POFUT3: variants seen among roughly 807,000 people sequenced by gnomAD.
POFUT3 encodes GDP-fucose protein O-fucosyltransferase 3.
At chr8:33,428,805 G>A in the POFUT3 span, among the ~76,000 whole-genome samples, 2 of 152,274 alleles carry the variant, frequency 1.3e-5, no homozygotes, top group Non-Finnish European at 2.9e-5. Flanking sequence ...ACCACGGGAT[G>A]ACATAGCAAG....
the POFUT3 span, among the ~76,000 whole-genome samples, chr8:33,437,260 ATCACT>A: frequency 6.6e-6 from 1 of 151,958 alleles, no homozygotes; most frequent in Admixed American, 6.6e-5. Context: ...CCTTTCCAAC[ATCACT>A]TCCCTTCCCC....
chr8:33,317,218 A>C, the POFUT3 span, among the ~76,000 whole-genome samples: 8 of 152,144 alleles, frequency 5.3e-5, no homozygotes, highest in African/African-American at 1.9e-4. Context: ...AGATAACAAC[A>C]TATGTCCTTG....
chr8:33,419,633 T>C, the POFUT3 span, among the ~76,000 whole-genome samples: 1 of 152,156 alleles, frequency 6.6e-6, no homozygotes, highest in African/African-American at 2.4e-5. Context: ...CCTGACTTGA[T>C]CATTATACAT....
chr8:33,469,769 T>C, the POFUT3 span, among the ~76,000 whole-genome samples: 3 of 151,182 alleles, frequency 2.0e-5, no homozygotes, highest in Non-Finnish European at 4.4e-5. Context: ...ACTGATACAA[T>C]GCCTCAATTA....
chr8:33,388,852 A>T, the POFUT3 span: 1 of 849,284 alleles, frequency 1.2e-6, no homozygotes, highest in Admixed American at 2.0e-5. Context: ...GGTCTTTCTG[A>T]TAGGAATGAA....
At chr8:33,374,608 G>A in the POFUT3 span, among the ~76,000 whole-genome samples, 2 of 152,078 alleles carry the variant, frequency 1.3e-5, no homozygotes, top group Non-Finnish European at 2.9e-5. Context: ...GCAGTAATGT[G>A]CCAATATGAA....
At chr8:33,317,306 C>T in the POFUT3 span, among the ~76,000 whole-genome samples, 1,187 of 152,148 alleles carry the variant, frequency 7.8e-3, 4 homozygotes, top group Non-Finnish European at 0.012. Flanking sequence ...TAAGGGGGAA[C>T]CGAGGACTGA....
chr8:33,459,217 G>C, the POFUT3 span, among the ~76,000 whole-genome samples: 5 of 152,006 alleles, frequency 3.3e-5, no homozygotes, highest in African/African-American at 1.2e-4. Context: ...GCAGGCACCT[G>C]TAATCCCAGC....
chr8:33,451,679 T>C, the POFUT3 span: 1 of 152,074 alleles, frequency 6.6e-6, no homozygotes, highest in South Asian at 2.1e-4. Flanking sequence ...TATATTGTAT[T>C]AGTCCATTCT....
At chr8:33,462,566 C>T in the POFUT3 span, among the ~76,000 whole-genome samples, 1 of 152,124 alleles carries the variant, frequency 6.6e-6, no homozygotes, top group African/African-American at 2.4e-5. Context: ...CAATATTATT[C>T]TTTGGAAGTT....
At chr8:33,436,009 C>G in the POFUT3 span, among the ~76,000 whole-genome samples, 1 of 152,058 alleles carries the variant, frequency 6.6e-6, no homozygotes, top group Non-Finnish European at 1.5e-5. Flanking sequence ...GGAGACAGCA[C>G]AGCCCCCACC....
chr8:33,364,552 C>T, the POFUT3 span, among the ~76,000 whole-genome samples: 1 of 152,156 alleles, frequency 6.6e-6, no homozygotes, highest in Non-Finnish European at 1.5e-5. Flanking sequence ...TCTCCTTAAG[C>T]TCATAAGCAA....
chr8:33,463,884 T>G, the POFUT3 span, among the ~76,000 whole-genome samples: 1 of 152,114 alleles, frequency 6.6e-6, no homozygotes, highest in African/African-American at 2.4e-5. Flanking sequence ...TTTTTTTCCT[T>G]CAACCACAAA....
the POFUT3 span, among the ~76,000 whole-genome samples, chr8:33,321,762 A>G: frequency 6.6e-6 from 1 of 152,092 alleles, no homozygotes; most frequent in Admixed American, 6.6e-5. Flanking sequence ...TACCAAAAAC[A>G]TGGGGATCTC....
chr8:33,392,836 T>A, the POFUT3 span, among the ~76,000 whole-genome samples: 1 of 151,910 alleles, frequency 6.6e-6, no homozygotes, highest in African/African-American at 2.4e-5. Context: ...ATTCAAAAAT[T>A]AGCTGGGCAT....
chr8:33,444,535 G>A, the POFUT3 span, among the ~76,000 whole-genome samples: 1 of 151,902 alleles, frequency 6.6e-6, no homozygotes, highest in Non-Finnish European at 1.5e-5. Flanking sequence ...ATAATTATCT[G>A]GGCCGGGCGC....
chr8:33,367,996 T>C, the POFUT3 span, among the ~76,000 whole-genome samples: 3 of 152,148 alleles, frequency 2.0e-5, no homozygotes, highest in African/African-American at 4.8e-5. Context: ...GTGGTTATGG[T>C]TTGCATGGGA....
the POFUT3 span, among the ~76,000 whole-genome samples, chr8:33,401,905 G>A: frequency 1.3e-5 from 2 of 152,092 alleles, no homozygotes; most frequent in African/African-American, 4.8e-5. Flanking sequence ...GCACACGTCT[G>A]TAGTCCCAGC....
chr8:33,340,125 G>A, the POFUT3 span, among the ~76,000 whole-genome samples: 1 of 151,990 alleles, frequency 6.6e-6, no homozygotes, highest in South Asian at 2.1e-4. Context: ...AGGAGACATG[G>A]TTTCTATATC....
Sources: gnomAD v4.1 joint callset for allele counts (sites outside exome capture counted in the v4.1 genomes callset) on GRCh38, gnomAD v4.1.1 for gene constraint, MANE v1.5 for transcripts, NCBI Gene and HGNC (gene_info 2026-07-23, HGNC 2026-07-21) for gene names.